Variants in SCRG1 observed in about 807,000 individuals in gnomAD.
The protein encoded by SCRG1 is scrapie-responsive protein 1.
SCRG1 carries 3 observed loss-of-function variants against 7.7 expected under a neutral mutation model. The ratio of observed to expected loss-of-function variants is 0.39; its 90% CI spans 0.18 to 1.01. The LOEUF (loss-of-function observed/expected upper bound fraction) is 1.01, where lower values mean the gene tolerates loss of function less well. SCRG1 is among the 50% of genes least tolerant of loss of function. The pLI is 0.36. For missense variants in SCRG1, 110 were observed against 117.2 expected, an observed-to-expected ratio of 0.94 and a Z score of 0.28; for synonymous variants, 46 against 41.2, an observed-to-expected ratio of 1.12 and a Z score of -0.44.
At chr4:173,484,122 A>G in the SCRG1 span, among the ~76,000 whole-genome samples, 1 of 40,470 alleles carries the variant, frequency 2.5e-5, no homozygotes, top group East Asian at 9.1e-4. Context: ...TATAATATAC[A>G]ATATATAATA....
At chr4:173,507,996 A>T in the SCRG1 span, among the ~76,000 whole-genome samples, 1 of 152,134 alleles carries the variant, frequency 6.6e-6, no homozygotes, top group South Asian at 2.1e-4. The surrounding 1 kb of genome is among the most constrained non-coding windows in gnomAD (Gnocchi z 4.4). Flanking sequence ...TGCAGAGGGA[A>T]TGTCGGGGAG....
At chr4:173,488,327 A>C in the SCRG1 span, among the ~76,000 whole-genome samples, 5 of 152,100 alleles carry the variant, frequency 3.3e-5, no homozygotes, top group Non-Finnish European at 7.4e-5. Flanking sequence ...ATCTCAGTCC[A>C]TTCTGGGATT....
chr4:173,493,358 T>C, the SCRG1 span, among the ~76,000 whole-genome samples: 3 of 152,128 alleles, frequency 2.0e-5, no homozygotes, highest in African/African-American at 7.2e-5. Context: ...TCTGCCTTGA[T>C]TGTAAGTTTC....
the SCRG1 span, among the ~76,000 whole-genome samples, chr4:173,480,959 GGAAAAAAAC>G: frequency 5.9e-5 from 9 of 151,898 alleles, no homozygotes; most frequent in Non-Finnish European, 1.2e-4. Context: ...AAAAAGGTAA[GGAAAAAAAC>G]CTTAGCTTTT....
chr4:173,502,505 C>A, the SCRG1 span, among the ~76,000 whole-genome samples: 1 of 152,184 alleles, frequency 6.6e-6, no homozygotes, highest in Non-Finnish European at 1.5e-5. The surrounding 1 kb of genome is among the most constrained non-coding windows in gnomAD (Gnocchi z 4.6). Context: ...TGTTTCCGCT[C>A]TCCGTTGCCT....
chr4:173,431,362 A>G, the SCRG1 span, among the ~76,000 whole-genome samples: 1 of 152,206 alleles, frequency 6.6e-6, no homozygotes, highest in Non-Finnish European at 1.5e-5. Context: ...TTTGGAAAGC[A>G]GACTGATTAA....
Position 173,385,721 on chromosome 4 carries a change from C to A in SCRG1, c.*2620G>T, listed in dbSNP as rs1739226979. On this transcript the variant is annotated 3_prime_UTR_variant, in exon 3 of 3. Coordinates refer to ENST00000296506, the MANE Select transcript of SCRG1 (RefSeq NM_007281.4). ...CTTTGTTAGATACAATTTTTCTTAC[C>A]AGGCTTTGATTGCAGTAGTAAGGGA... 2 of 151,856 alleles carry A rather than the reference C, an allele frequency of 1.3e-5. No individual in the cohort carries two copies. Among genetic ancestry groups the A allele is most frequent in the African/African-American group, 4.8e-5 (2 of 41,352 alleles). The allele number at this position is 151,856 out of a possible 1,614,324, so 9.4% of individuals were successfully genotyped here. A position where few individuals can be genotyped will look rare whatever the true frequency, so the allele number is the denominator to read the frequency against.
chr4:173,454,195 G>A, the SCRG1 span, among the ~76,000 whole-genome samples: 77 of 152,196 alleles, frequency 5.1e-4, no homozygotes, highest in African/African-American at 1.8e-3. Flanking sequence ...TATTCAAGTA[G>A]GTGTGAAGAC....
chr4:173,483,247 ATCATATATG>A, the SCRG1 span, among the ~76,000 whole-genome samples: 1 of 78,674 alleles, frequency 1.3e-5, no homozygotes, highest in Non-Finnish European at 2.1e-5. Context: ...TATATGATAT[ATCATATATG>A]ATATATCATA....
At chr4:173,444,728 A>T in the SCRG1 span, among the ~76,000 whole-genome samples, 1 of 152,242 alleles carries the variant, frequency 6.6e-6, no homozygotes, top group African/African-American at 2.4e-5. Context: ...TTCTAAAGAG[A>T]TGCAGTTAGA....
the SCRG1 span, among the ~76,000 whole-genome samples, chr4:173,484,356 A>T: frequency 4.8e-5 from 3 of 63,068 alleles, no homozygotes; most frequent in South Asian, 4.5e-4. Flanking sequence ...ATAATATATA[A>T]TATATATTAT....
chr4:173,464,214 C>A, the SCRG1 span, among the ~76,000 whole-genome samples: 2 of 152,112 alleles, frequency 1.3e-5, no homozygotes, highest in African/African-American at 4.8e-5. Context: ...TTTCAACCAG[C>A]TCAATATTTT....
chr4:173,439,868 T>A, the SCRG1 span, among the ~76,000 whole-genome samples: 8 of 152,310 alleles, frequency 5.3e-5, no homozygotes, highest in African/African-American at 1.9e-4. Flanking sequence ...TTCTTTGTTT[T>A]GAACAAGGAC....
At chr4:173,457,611 C>T in the SCRG1 span, among the ~76,000 whole-genome samples, 1 of 152,196 alleles carries the variant, frequency 6.6e-6, no homozygotes, top group Non-Finnish European at 1.5e-5. Context: ...CACTTGGTGA[C>T]TGTGAGATTG....
the SCRG1 span, among the ~76,000 whole-genome samples, chr4:173,492,655 G>A: frequency 1.3e-5 from 2 of 152,204 alleles, no homozygotes; most frequent in Non-Finnish European, 2.9e-5. Flanking sequence ...ACACCCACGA[G>A]GCTGGAGACT....
intron 2 of SCRG1, among the ~76,000 whole-genome samples, 159 bp downstream of exon 2, chr4:173,391,014 G>C (rs1480843401): frequency 6.6e-6 from 1 of 152,126 alleles, no homozygotes; most frequent in Non-Finnish European, 1.5e-5. Context: ...AAAACATTTA[G>C]TTCTTTACAC....
chr4:173,481,197 TATGAG>T, the SCRG1 span, among the ~76,000 whole-genome samples: 14 of 152,186 alleles, frequency 9.2e-5, no homozygotes, highest in Non-Finnish European at 1.9e-4. Context: ...ATCTTTATCT[TATGAG>T]ATACAAACAA....
the SCRG1 span, among the ~76,000 whole-genome samples, chr4:173,460,968 G>C: frequency 0.016 from 2,365 of 152,306 alleles, 60 homozygotes; most frequent in African/African-American, 0.053. Context: ...CCTACCAGGG[G>C]CAGGGGTGTC....
chr4:173,437,026 T>C, the SCRG1 span, among the ~76,000 whole-genome samples: 1 of 152,196 alleles, frequency 6.6e-6, no homozygotes, highest in African/African-American at 2.4e-5. Flanking sequence ...GAAACATTCA[T>C]TGCTCAGTAA....
Sources: gnomAD v4.1 joint callset for allele counts (sites outside exome capture counted in the v4.1 genomes callset) on GRCh38, gnomAD v4.1.1 for gene constraint, Gnocchi (gnomAD v3.1) non-coding constraint, MANE v1.5 for transcripts, NCBI Gene and HGNC (gene_info 2026-07-23, HGNC 2026-07-21) for gene names.